The following LRRC49 variants were observed in gnomAD, a reference collection of about 807,000 sequenced individuals.
The protein encoded by LRRC49 is leucine-rich repeat-containing protein 49.
In LRRC49, 50 loss-of-function variants were observed where a neutral mutation model predicts 83.3. The ratio of observed to expected loss-of-function variants is 0.60; its 90% CI spans 0.48 to 0.76. LRRC49 has a LOEUF of 0.76. LRRC49 is among the 30% of genes least tolerant of loss of function. The probability of loss-of-function intolerance (pLI) is 0.00; values close to 1 mark genes in which losing one functional copy is unlikely to be tolerated. For missense variants in LRRC49, 704 were observed against 809.1 expected, an observed-to-expected ratio of 0.87 and a Z score of 1.58; for synonymous variants, 286 against 283.3, an observed-to-expected ratio of 1.01 and a Z score of -0.10.
At chr15:70,887,866 C>T (rs2033452200), upstream of LRRC49, among the ~76,000 whole-genome samples, 1 of 152,038 alleles carries the variant, frequency 6.6e-6, no homozygotes, top group East Asian at 1.9e-4. Flanking sequence ...GTGAGTTTAA[C>T]AAGGTTTTTG....
intron 8 of LRRC49, among the ~76,000 whole-genome samples, chr15:70,947,818 C>A (rs991037831): frequency 6.6e-6 from 1 of 152,114 alleles, no homozygotes; most frequent in African/African-American, 2.4e-5. Context: ...CAGGTGCCCA[C>A]TTGGAATGAA....
intron 4 of LRRC49, among the ~76,000 whole-genome samples, chr15:70,903,290 T>C (rs929369753): frequency 6.6e-6 from 1 of 151,948 alleles, no homozygotes; most frequent in South Asian, 2.1e-4. Flanking sequence ...GATAAAATAG[T>C]TGGATAAAAT....
chr15:70,946,064 A>G (rs2035998118), intron 8 of LRRC49, among the ~76,000 whole-genome samples: 1 of 152,152 alleles, frequency 6.6e-6, no homozygotes, highest in South Asian at 2.1e-4. Flanking sequence ...ATGTTACCTC[A>G]CATACTTATC....
intron 11 of LRRC49, among the ~76,000 whole-genome samples, chr15:70,992,865 A>T (rs2141242176): frequency 6.6e-6 from 1 of 152,284 alleles, no homozygotes; most frequent in East Asian, 1.9e-4. Flanking sequence ...GTCTGTTCTC[A>T]GATCTCAAAC....
chr15:70,941,418 A>G (rs1358870957), intron 8 of LRRC49, among the ~76,000 whole-genome samples: 1 of 151,826 alleles, frequency 6.6e-6, no homozygotes, highest in Non-Finnish European at 1.5e-5. Flanking sequence ...TTATAGAATG[A>G]TAGTTTCTGA....
At chr15:70,909,574 C>G (rs763580872) in intron 5 of LRRC49, among the ~76,000 whole-genome samples, 1 of 152,114 alleles carries the variant, frequency 6.6e-6, no homozygotes, top group Non-Finnish European at 1.5e-5. Context: ...GGCGCGGTGG[C>G]TCATGCCTGG....
At chr15:71,043,879 T>A (rs577636797) in intron 15 of LRRC49, among the ~76,000 whole-genome samples, 10 of 152,330 alleles carry the variant, frequency 6.6e-5, no homozygotes, top group Middle Eastern at 3.4e-3. Context: ...ATTTTTGTTA[T>A]CCCTAAATTA....
At chr15:71,037,402 G>A in intron 15 of LRRC49, 70 bp downstream of exon 15, 1 of 1,293,042 alleles carries the variant, frequency 7.7e-7, no homozygotes, top group Non-Finnish European at 1.1e-6. Flanking sequence ...TTTGGGGGTT[G>A]TACATTTTAC....
At chr15:70,939,298 G>A (rs2035716865) in intron 8 of LRRC49, among the ~76,000 whole-genome samples, 1 of 152,096 alleles carries the variant, frequency 6.6e-6, no homozygotes, top group Non-Finnish European at 1.5e-5. Flanking sequence ...CTTAGTACAG[G>A]TATCACTAGT....
upstream of LRRC49, chr15:70,892,717 A>AAGCTG (rs2033634222): frequency 6.8e-7 from 1 of 1,477,520 alleles, no homozygotes; most frequent in African/African-American, 1.4e-5. Flanking sequence ...ATACAACTAG[A>AAGCTG]AGCTGCAACG....
chr15:70,904,963 T>C (rs779408640), intron 5 of LRRC49, among the ~76,000 whole-genome samples: 14 of 152,348 alleles, frequency 9.2e-5, no homozygotes, highest in Non-Finnish European at 1.8e-4. Context: ...ACGTTTATTA[T>C]GTATTTTACT....
chr15:70,868,879 T>C (rs1363535496), intron 1 of LRRC49, among the ~76,000 whole-genome samples: 1 of 152,218 alleles, frequency 6.6e-6, no homozygotes, highest in Non-Finnish European at 1.5e-5. Flanking sequence ...GTATAAACAT[T>C]TTAGAAAACA....
chr15:70,853,926 C>G, intron 1 of LRRC49: 1 of 1,412,218 alleles, frequency 7.1e-7, no homozygotes, highest in South Asian at 1.5e-5. Context: ...CTCGCGCTGC[C>G]CCAGCCGGGG....
intron 8 of LRRC49, among the ~76,000 whole-genome samples, chr15:70,949,688 T>C (rs188295132): frequency 2.6e-5 from 4 of 152,328 alleles, no homozygotes; most frequent in Admixed American, 2.0e-4. Context: ...TTTCTTACAA[T>C]ACCTATCACA....
intron 14 of LRRC49, among the ~76,000 whole-genome samples, chr15:71,017,049 G>A (rs2038850649): frequency 6.7e-6 from 1 of 148,540 alleles, no homozygotes; most frequent in African/African-American, 2.5e-5. Flanking sequence ...GGCTGAGGCT[G>A]CAGTGAGCCA....
intron 4 of LRRC49, among the ~76,000 whole-genome samples, chr15:70,903,192 T>G (rs988108819): frequency 1.3e-5 from 2 of 152,082 alleles, no homozygotes; most frequent in Non-Finnish European, 2.9e-5. Context: ...GCAAAGCTGA[T>G]GCACAAAGAT....
intron 15 of LRRC49, among the ~76,000 whole-genome samples, chr15:71,047,453 G>A (rs1408511924): frequency 1.3e-5 from 2 of 152,116 alleles, no homozygotes; most frequent in Non-Finnish European, 2.9e-5. Context: ...TATTGTAAGT[G>A]GGATTGTGTT....
At chr15:71,033,006 G>C (rs2039406197) in intron 14 of LRRC49, among the ~76,000 whole-genome samples, 1 of 152,130 alleles carries the variant, frequency 6.6e-6, no homozygotes, top group Non-Finnish European at 1.5e-5. Context: ...TGGAAGTTCT[G>C]GCCAGGGCAA....
chr15:70,987,115 A>G (rs979268445), intron 11 of LRRC49, among the ~76,000 whole-genome samples: 11 of 152,110 alleles, frequency 7.2e-5, no homozygotes, highest in African/African-American at 1.4e-4. Flanking sequence ...TTGTGTCTCT[A>G]CCCGGCTTTG....
Sources: gnomAD v4.1 joint callset for allele counts (sites outside exome capture counted in the v4.1 genomes callset) on GRCh38, gnomAD v4.1.1 for gene constraint, MANE v1.5 for transcripts, NCBI Gene and HGNC (gene_info 2026-07-23, HGNC 2026-07-21) for gene names.